The following ROBO1 variants were observed in gnomAD, a reference collection of about 807,000 sequenced individuals.
ROBO1 encodes roundabout guidance receptor 1, also known as roundabout homolog 1.
A neutral mutation model predicts 195.9 loss-of-function variants in ROBO1; 149 were observed. The ratio of observed to expected loss-of-function variants is 0.76; its 90% CI spans 0.67 to 0.87. The LOEUF (loss-of-function observed/expected upper bound fraction) is 0.87, where lower values mean the gene tolerates loss of function less well. ROBO1 is among the 40% of genes least tolerant of loss of function. ROBO1 has a pLI of 0.00. For synonymous variants in ROBO1, 816 were observed against 733.2 expected (o/e 1.11, Z -1.82); for missense variants, 1,933 against 2,068.3 (o/e 0.93, Z 1.27).
chr3:79,722,739 T>G (rs1023434279), intron 1 of ROBO1, among the ~76,000 whole-genome samples: 1 of 152,188 alleles, frequency 6.6e-6, no homozygotes, highest in African/African-American at 2.4e-5. Flanking sequence ...AAAATTTGTA[T>G]CTCCACTGTC....
intron 2 of ROBO1, among the ~76,000 whole-genome samples, chr3:79,136,969 TA>T (rs2080421777): frequency 6.6e-6 from 1 of 152,068 alleles, no homozygotes; most frequent in Non-Finnish European, 1.5e-5. Context: ...TGTATGAAGT[TA>T]AAAAATTGCC....
chr3:79,512,235 G>A (rs1354042363), intron 2 of ROBO1, among the ~76,000 whole-genome samples: 2 of 151,990 alleles, frequency 1.3e-5, no homozygotes, highest in East Asian at 1.9e-4. Context: ...TACTTTATAC[G>A]TGAATATAGC....
chr3:78,807,734 T>C (rs1308182803), intron 4 of ROBO1, among the ~76,000 whole-genome samples: 9 of 152,180 alleles, frequency 5.9e-5, no homozygotes, highest in East Asian at 1.9e-4. Context: ...ATTTAAACAT[T>C]TGTATGCATA....
rs149750337 is a variant in ROBO1 at position 79,661,706 on chromosome 3, T to A, written c.-50-71745A>T. On this transcript the variant is annotated intron_variant, in intron 1 of 30. Transcript: ENST00000464233. Reference sequence around the variant, plus strand: ...AGAGATTTTACAGTGTAGTAAAATATCCTACCATAAAATTGCCTAGAAACC... The same window carrying A: ...AGAGATTTTACAGTGTAGTAAAATAACCTACCATAAAATTGCCTAGAAACC... Among the ~76,000 whole-genome samples the A allele has an allele frequency of 3.6e-3, 555 of 152,150 alleles. 4 individuals are homozygous for A. The highest frequency in any genetic ancestry group is 6.6e-3 in the Non-Finnish European group (447 of 67,994).
At chr3:78,824,773 A>G (rs2031422200) in intron 4 of ROBO1, among the ~76,000 whole-genome samples, 1 of 152,188 alleles carries the variant, frequency 6.6e-6, no homozygotes, top group African/African-American at 2.4e-5. Context: ...TAAATTAGGC[A>G]AATAACATAA....
intron 8 of ROBO1, among the ~76,000 whole-genome samples, chr3:78,708,746 T>C (rs1293511661): frequency 1.3e-5 from 2 of 152,160 alleles, no homozygotes; most frequent in Non-Finnish European, 2.9e-5. Flanking sequence ...ATTTTACCTT[T>C]TATAGGTATG....
chr3:78,705,167 T>C (rs749005673), intron 8 of ROBO1, among the ~76,000 whole-genome samples: 1 of 152,156 alleles, frequency 6.6e-6, no homozygotes, highest in Non-Finnish European at 1.5e-5. Flanking sequence ...GTAATTATGT[T>C]AAAGTAAAAC....
At chr3:79,707,665 C>T (rs146227507) in intron 1 of ROBO1, among the ~76,000 whole-genome samples, 72 of 152,168 alleles carry the variant, frequency 4.7e-4, no homozygotes, top group African/African-American at 1.3e-3. Flanking sequence ...CATGCCACCA[C>T]GCCTGGCTAA....
At chr3:79,706,437 T>C (rs1947771815) in intron 1 of ROBO1, among the ~76,000 whole-genome samples, 1 of 152,176 alleles carries the variant, frequency 6.6e-6, no homozygotes, top group African/African-American at 2.4e-5. Context: ...GTTGGTGTGA[T>C]AGATTACATT....
chr3:79,053,274 C>A (rs964296383), intron 3 of ROBO1, among the ~76,000 whole-genome samples: 1 of 151,900 alleles, frequency 6.6e-6, no homozygotes, highest in Non-Finnish European at 1.5e-5. Context: ...AGCTGATCAG[C>A]CTCTCCCTTC....
intron 2 of ROBO1, among the ~76,000 whole-genome samples, chr3:79,551,751 A>T (rs2107676462): frequency 6.6e-6 from 1 of 152,124 alleles, no homozygotes; most frequent in South Asian, 2.1e-4. Context: ...TTTATGTGAC[A>T]AAGTAAATGT....
intron 2 of ROBO1, among the ~76,000 whole-genome samples, chr3:79,267,696 C>G (rs1048368318): frequency 2.6e-5 from 4 of 151,360 alleles, no homozygotes; most frequent in Non-Finnish European, 5.9e-5. Context: ...AAACAACAGA[C>G]TGATTATAAG....
intron 8 of ROBO1, among the ~76,000 whole-genome samples, chr3:78,708,695 CG>C (rs2081610596): frequency 6.6e-6 from 1 of 152,086 alleles, no homozygotes; most frequent in Admixed American, 6.5e-5. Context: ...TGTTTAAAAA[CG>C]TGGCAGGGTG....
intron 1 of ROBO1, among the ~76,000 whole-genome samples, chr3:79,626,651 G>A (rs1003762983): frequency 6.6e-6 from 1 of 152,080 alleles, no homozygotes; most frequent in African/African-American, 2.4e-5. Flanking sequence ...TCTGGCCAGG[G>A]CAATTAGGCA....
intron 2 of ROBO1, among the ~76,000 whole-genome samples, chr3:79,570,558 A>G (rs1489682243): frequency 6.6e-6 from 1 of 152,138 alleles, no homozygotes; most frequent in Non-Finnish European, 1.5e-5. Flanking sequence ...GAAAAATTTC[A>G]TACAAGTTAA....
chr3:79,097,947 T>C (rs974921714), intron 3 of ROBO1, among the ~76,000 whole-genome samples: 4 of 151,764 alleles, frequency 2.6e-5, no homozygotes, highest in Non-Finnish European at 4.4e-5. Context: ...TATATATGAA[T>C]TCTAAATCAA....
At chr3:78,993,353 A>G (rs368046460) in intron 3 of ROBO1, among the ~76,000 whole-genome samples, 70 of 152,282 alleles carry the variant, frequency 4.6e-4, no homozygotes, top group African/African-American at 1.6e-3. Context: ...TCCTAAGTAA[A>G]CTGCATTGTA....
chr3:78,755,600 T>C (rs914505284), intron 4 of ROBO1, among the ~76,000 whole-genome samples: 11 of 152,198 alleles, frequency 7.2e-5, no homozygotes, highest in African/African-American at 2.7e-4. Context: ...TAGTGACAGA[T>C]TGGAGGTACC....
chr3:78,620,135 A>C (rs1704368066), intron 26 of ROBO1, among the ~76,000 whole-genome samples: 2 of 152,182 alleles, frequency 1.3e-5, no homozygotes, highest in South Asian at 4.1e-4. Flanking sequence ...AGTTAAAACC[A>C]GTAGGATCTG....
Sources: allele counts gnomAD v4.1 joint callset (sites outside exome capture counted in the v4.1 genomes callset), GRCh38; gene constraint gnomAD v4.1.1; transcripts MANE v1.5; gene names NCBI Gene and HGNC (gene_info 2026-07-23, HGNC 2026-07-21).